The following OIP5 variants were observed in gnomAD, a reference collection of about 807,000 sequenced individuals.
The protein encoded by OIP5 is protein Mis18-beta.
Under a neutral mutation model 20.3 loss-of-function variants are expected in OIP5, and 24 were observed. That is an observed-to-expected ratio of 1.18 (90% CI 0.86 to 1.66). The LOEUF is 1.66. Ranked by LOEUF, OIP5 falls within the 40% of genes most tolerant of loss-of-function variation. OIP5 has a pLI of 0.00. For synonymous variants in OIP5, 143 were observed against 121.3 expected (o/e 1.18, Z -1.17); for missense variants, 339 against 289.5 (o/e 1.17, Z -1.24).
At chr15:41,325,849 C>CAAAAAAAAAA (rs35329564) in intron 2 of OIP5, among the ~76,000 whole-genome samples, 2 of 98,826 alleles carry the variant, frequency 2.0e-5, no homozygotes, top group African/African-American at 3.8e-5. Context: ...GACTCCGTCT[C>CAAAAAAAAAA]AAAAAAAAAA....
At chr15:41,313,562 GA>G (rs959882051) in intron 3 of OIP5, among the ~76,000 whole-genome samples, 1 of 150,166 alleles carries the variant, frequency 6.7e-6, no homozygotes, top group Non-Finnish European at 1.5e-5. Context: ...AAATATTCAG[GA>G]AAAAAAAACT....
chr15:41,321,614 A>G (rs1410254602), intron 2 of OIP5, among the ~76,000 whole-genome samples: 5 of 150,812 alleles, frequency 3.3e-5, no homozygotes, highest in South Asian at 2.1e-4. Flanking sequence ...CTGTTGATCT[A>G]TGACCTTACC....
intron 2 of OIP5, among the ~76,000 whole-genome samples, chr15:41,325,266 G>T (rs980717784): frequency 6.6e-6 from 1 of 152,030 alleles, no homozygotes; most frequent in Non-Finnish European, 1.5e-5. Context: ...TTAGCCGGGT[G>T]TGGTGGCGGG....
chr15:41,330,359 A>C (rs1414449571), intron 2 of OIP5, among the ~76,000 whole-genome samples: 1 of 151,404 alleles, frequency 6.6e-6, no homozygotes, highest in Non-Finnish European at 1.5e-5. Flanking sequence ...ATGGCCTCCC[A>C]AAAGTGCTGG....
intron 2 of OIP5, among the ~76,000 whole-genome samples, chr15:41,325,459 A>G (rs1392389322): frequency 1.3e-5 from 2 of 152,050 alleles, no homozygotes; most frequent in Non-Finnish European, 1.5e-5. Flanking sequence ...CATGTGACAC[A>G]GAGACACAAA....
chr15:41,312,976 G>A (rs1202803598), intron 4 of OIP5, among the ~76,000 whole-genome samples: 1 of 152,142 alleles, frequency 6.6e-6, no homozygotes, highest in Non-Finnish European at 1.5e-5. Flanking sequence ...AGACAGTTGA[G>A]CAATTACAAG....
chr15:41,322,581 A>G (rs1426392524), intron 2 of OIP5, among the ~76,000 whole-genome samples: 2 of 152,060 alleles, frequency 1.3e-5, no homozygotes, highest in African/African-American at 4.8e-5. Context: ...TTTGGCAGAA[A>G]TGGGGTCTTA....
chr15:41,323,231 T>C (rs528748213), intron 2 of OIP5, among the ~76,000 whole-genome samples: 10 of 152,054 alleles, frequency 6.6e-5, no homozygotes, highest in Admixed American at 3.9e-4. Context: ...TGGCTCACGC[T>C]TGTAATCCCA....
At chr15:41,322,397 G>GT (rs1160632298) in intron 2 of OIP5, among the ~76,000 whole-genome samples, 2 of 151,858 alleles carry the variant, frequency 1.3e-5, no homozygotes, top group African/African-American at 4.8e-5. Flanking sequence ...ATAGTATGAA[G>GT]TTTTTTTTGG....
chr15:41,321,417 G>A (rs922243163), intron 2 of OIP5, among the ~76,000 whole-genome samples: 6 of 152,254 alleles, frequency 3.9e-5, no homozygotes, highest in African/African-American at 1.2e-4. Context: ...CCCTGTCTGG[G>A]AGGTGTACCC....
chr15:41,316,583 G>A (rs1165780312), intron 3 of OIP5, among the ~76,000 whole-genome samples: 3 of 151,978 alleles, frequency 2.0e-5, no homozygotes, highest in South Asian at 4.1e-4. Flanking sequence ...AGGTCAAGGA[G>A]ATCGAGACCA....
chr15:41,331,913 A>G lies in OIP5; in HGVS notation c.389+2T>C, dbSNP rs78353063. On this transcript the variant is annotated splice_donor_variant, in intron 2 of 4. Coordinates refer to ENST00000220514, the MANE Select transcript of OIP5 (RefSeq NM_007280.2). LOFTEE classifies it high-confidence loss of function. ...GAGACCAATGTAATTATCAATACGT[A>G]CCTGCCTTTGAGTGAACCTTCAATG... 3 of 1,613,088 alleles carry G rather than the reference A, an allele frequency of 1.9e-6. No individual in the cohort carries two copies. Among genetic ancestry groups the G allele is most frequent in the Non-Finnish European group, 2.5e-6 (3 of 1,179,110 alleles).
At chr15:41,311,809 A>C (rs2047756142) in intron 4 of OIP5, among the ~76,000 whole-genome samples, 1 of 149,670 alleles carries the variant, frequency 6.7e-6, no homozygotes, top group Admixed American at 6.7e-5. Flanking sequence ...CTCATGATCC[A>C]CCCACCTCGG....
chr15:41,309,555 T>C lies in OIP5; in HGVS notation c.*199A>G. ...AAAGTAAGTTCTTAAGGCAAATAGCTATAAAAGAGAAGAATCCTTAGTCTC... is the reference window on the plus strand; with the variant it reads ...AAAGTAAGTTCTTAAGGCAAATAGCCATAAAAGAGAAGAATCCTTAGTCTC... On this transcript the variant is annotated 3_prime_UTR_variant, in exon 5 of 5. Coordinates refer to ENST00000220514, the MANE Select transcript of OIP5 (RefSeq NM_007280.2). The C allele has an allele frequency of 2.2e-6, 1 of 453,252 alleles. No homozygotes were observed. The highest frequency in any genetic ancestry group is 3.9e-6 in the Non-Finnish European group (1 of 254,820). The allele number at this position is 453,252 out of a possible 1,614,324, so 28.1% of individuals were successfully genotyped here.
At chr15:41,319,574 A>G in intron 3 of OIP5, 84 bp downstream of exon 3, 1 of 1,431,756 alleles carries the variant, frequency 7.0e-7, no homozygotes, top group Non-Finnish European at 9.4e-7. Flanking sequence ...TTCCTGAAAA[A>G]CCTTTTAAAA....
intron 2 of OIP5, among the ~76,000 whole-genome samples, chr15:41,330,959 C>G (rs2047899520): frequency 6.6e-6 from 1 of 152,130 alleles, no homozygotes; most frequent in African/African-American, 2.4e-5. Context: ...GCTTTGTCCC[C>G]TTTGGGTGGG....
At position 41,313,302 on chromosome 15, in the gene OIP5, T is replaced by C. The variant is rs770208684; in HGVS notation, c.565A>G (p.Asn189Asp). Residue 189 changes from asparagine (N) to aspartate (D), a missense_variant, in exon 4 of 5, where the codon AAT becomes GAT. Physicochemically the swap from Asn to Asp is conservative, Grantham distance 23 (BLOSUM62 1). Coordinates refer to ENST00000220514, the MANE Select transcript of OIP5 (RefSeq NM_007280.2). ...GCAATCTTTTCTGATAGAGGAACAT[T>C]TTGAATATCCATCTCTGATGCATTT... Reference protein sequence around the residue: ...IVNASEMDIQNVPLSEKIAEL... With the variant: ...IVNASEMDIQDVPLSEKIAEL... The C allele has an allele frequency of 6.2e-6, 10 of 1,605,774 alleles. No individual in the cohort carries two copies. The highest frequency in any genetic ancestry group is 8.5e-6 in the Non-Finnish European group (10 of 1,176,008).
intron 3 of OIP5, 134 bp downstream of exon 3, chr15:41,319,524 G>T: frequency 1.2e-6 from 1 of 803,856 alleles, no homozygotes; most frequent in Non-Finnish European, 1.9e-6. Flanking sequence ...AAAGTGCTGG[G>T]ATTACAGGCA....
chr15:41,317,666 T>C (rs2047796515), intron 3 of OIP5, among the ~76,000 whole-genome samples: 1 of 151,918 alleles, frequency 6.6e-6, no homozygotes, highest in South Asian at 2.1e-4. Flanking sequence ...AGGCGTGAGC[T>C]ACCACGCCCA....
Sources: gnomAD v4.1 joint callset for allele counts (sites outside exome capture counted in the v4.1 genomes callset) on GRCh38, gnomAD v4.1.1 for gene constraint, MANE v1.5 for transcripts, NCBI Gene and HGNC (gene_info 2026-07-23, HGNC 2026-07-21) for gene names.